Variants in WDR64 observed in about 807,000 individuals in gnomAD.
The protein encoded by WDR64 is WD repeat-containing protein 64.
A neutral mutation model predicts 139.3 loss-of-function variants in WDR64; 112 were observed. That is an observed-to-expected ratio of 0.80 (90% CI 0.69 to 0.94). The LOEUF (loss-of-function observed/expected upper bound fraction) is 0.94. WDR64 is among the 40% of genes least tolerant of loss of function. The pLI is 0.00. For missense variants in WDR64, 1,206 were observed against 1,293.1 expected, an observed-to-expected ratio of 0.93 and a Z score of 1.03; for synonymous variants, 444 against 437.7, an observed-to-expected ratio of 1.01 and a Z score of -0.18.
chr1:241,719,810 ATTTAT>A (rs1668539208), intron 9 of WDR64, among the ~76,000 whole-genome samples: 1 of 151,970 alleles, frequency 6.6e-6, no homozygotes, highest in African/African-American at 2.4e-5. Flanking sequence ...TTTCCTTCAA[ATTTAT>A]TTTAAGTTCC....
At chr1:241,704,348 TG>T (rs768937009) in intron 8 of WDR64, among the ~76,000 whole-genome samples, 52 of 152,354 alleles carry the variant, frequency 3.4e-4, no homozygotes, top group Non-Finnish European at 3.5e-4. Flanking sequence ...ATCGAAATGC[TG>T]GTTAATATTA....
Position 241,652,489 on chromosome 1 carries a change from A to C in WDR64, c.5A>C (p.Asp2Ala). 1 of 1,552,210 alleles carries C rather than the reference A, an allele frequency of 6.4e-7. No homozygotes were observed. The highest frequency in any genetic ancestry group is 2.4e-5 in the East Asian group (1 of 40,914). Residue 2 changes from aspartate to alanine, a missense_variant, in exon 1 of 28, where the codon GAT (aspartate) becomes GCT (alanine). By Grantham distance (126) the Asp-to-Ala change is moderately radical (BLOSUM62 -2). Transcript: ENST00000437684. ...TAAAAGATCCCCTATGTCCCTATGG[A>C]TATCAGGAAGGAAAAGCGTCTCAAC... The part of the protein sequence containing the change: M[D>A]IRKEKRLNMA...
chr1:241,771,638 T>A lies in WDR64; in HGVS notation c.2254-23T>A, dbSNP rs182920260. The A allele has an allele frequency of 1.1e-4, 166 of 1,472,388 alleles. No individual in the cohort carries two copies. The East Asian group carries it at 3.8e-3, about 33-fold the overall frequency. 91.2% of individuals were successfully genotyped at this position (1,472,388 alleles called of 1,614,324 possible). A position where few individuals can be genotyped will look rare whatever the true frequency, so the allele number is the denominator to read the frequency against. On this transcript the variant is annotated intron_variant, in intron 18 of 27. Coordinates refer to ENST00000437684, the MANE Select transcript of WDR64 (RefSeq NM_001367482.1). The stretch of plus-strand genomic sequence containing the variant: ...TTCTTACAATGTCATGGAAGTCTTT[T>A]CTCTTTTCCTCCCATAATTCAGGGA...
chr1:241,675,123 C>CCTTCCTTCCTCCCCCCCTT (rs1427164669), intron 4 of WDR64, among the ~76,000 whole-genome samples: 1 of 17,298 alleles, frequency 5.8e-5, no homozygotes. Context: ...CTCCCTCCCT[C>CCTTCCTTCCTCCCCCCCTT]CTTCCCTCCT....
chr1:241,669,950 G>A (rs1461658831), intron 2 of WDR64, among the ~76,000 whole-genome samples: 1 of 152,118 alleles, frequency 6.6e-6, no homozygotes, highest in Non-Finnish European at 1.5e-5. Context: ...CAAGATATCC[G>A]GGTGGCTAGT....
intron 15 of WDR64, 82 bp from the exon 16 acceptor site, chr1:241,766,136 C>T: frequency 7.4e-7 from 1 of 1,346,648 alleles, no homozygotes; most frequent in South Asian, 1.8e-5. Flanking sequence ...AAGTTGATGA[C>T]AATTACAAAG....
At position 241,749,718 on chromosome 1, in the gene WDR64, T is replaced by A. The variant is rs779403355; in HGVS notation, c.1766T>A (p.Ile589Asn). The change falls in exon 14 of 28, where the codon ATC becomes AAC. Residue 589 changes from isoleucine to asparagine, a missense_variant. By Grantham distance (149) the Ile-to-Asn change is moderately radical. Coordinates refer to ENST00000437684, the MANE Select transcript of WDR64 (RefSeq NM_001367482.1). Reference protein sequence around the residue: ...ALERNGTIKMIQGKEDDIYLM... With the variant: ...ALERNGTIKMNQGKEDDIYLM... ...GAGCGCAACGGGACTATCAAAATGATCCAGGTTTACAATCCCACTTCATAC... is the reference window on the plus strand; with the variant it reads ...GAGCGCAACGGGACTATCAAAATGAACCAGGTTTACAATCCCACTTCATAC... 1 of 1,613,382 alleles carries A rather than the reference T, an allele frequency of 6.2e-7. No individual in the cohort carries two copies. The highest frequency in any genetic ancestry group is 8.5e-7 in the Non-Finnish European group (1 of 1,179,752).
At chr1:241,676,998 G>C (rs1666582997) in intron 4 of WDR64, among the ~76,000 whole-genome samples, 1 of 151,804 alleles carries the variant, frequency 6.6e-6, no homozygotes, top group African/African-American at 2.4e-5. Context: ...TAGGTCACAG[G>C]AGTAATTTAT....
intron 15 of WDR64, among the ~76,000 whole-genome samples, chr1:241,762,774 C>CA (rs71691250): frequency 0.043 from 5,782 of 133,096 alleles, 241 homozygotes; most frequent in African/African-American, 0.11. Context: ...AGCTTCCTTG[C>CA]AAAAAAAAAA....
At chr1:241,737,743 A>G (rs1024821178) in intron 10 of WDR64, among the ~76,000 whole-genome samples, 5 of 152,286 alleles carry the variant, frequency 3.3e-5, no homozygotes, top group Admixed American at 2.0e-4. Flanking sequence ...TGTTCTTTCT[A>G]TTCTCTGATA....
In WDR64 at chr1:241,726,190, A is replaced by G. The variant is rs77247566; in HGVS notation, c.1194+2754A>G. ...AGGCCTGAGCCATGGCACTGGGCCA[A>G]TCGTTTTTATATTGATTATATATTG... On this transcript the variant is annotated intron_variant, in intron 10 of 27. Transcript: ENST00000437684. 9.3e-3 allele frequency among the ~76,000 whole-genome samples: 1,412 copies of G among 152,188 alleles called. 24 individuals are homozygous for G. Among genetic ancestry groups the G allele is most frequent in the African/African-American group, 0.031 (1,291 of 41,496 alleles).
intron 2 of WDR64, among the ~76,000 whole-genome samples, chr1:241,662,311 G>C (rs868480942): frequency 1.3e-5 from 2 of 152,260 alleles, no homozygotes; most frequent in Middle Eastern, 3.4e-3. Flanking sequence ...TGGCAAAGCT[G>C]GGTTCTCATT....
intron 7 of WDR64, among the ~76,000 whole-genome samples, chr1:241,685,593 A>C (rs1238586072): frequency 6.6e-6 from 1 of 152,228 alleles, no homozygotes; most frequent in Non-Finnish European, 1.5e-5. Context: ...AAGACATTAA[A>C]AAATGGATTA....
chr1:241,782,250 C>T (rs1017330309), intron 22 of WDR64, among the ~76,000 whole-genome samples: 6 of 152,164 alleles, frequency 3.9e-5, no homozygotes, highest in Non-Finnish European at 7.3e-5. Flanking sequence ...ATCGCGCCAC[C>T]GCACTGCAGC....
In WDR64 at chr1:241,770,503, C is replaced by T. The variant is rs1178935147; in HGVS notation, c.2184-118C>T. On this transcript the variant is annotated intron_variant, in intron 17 of 27. Transcript: ENST00000437684. ...GGCATGATTTGTTTCCTGAGTGGCT[C>T]AGTATCCACAGATGATGAAAGAAGC... 1.2e-5 allele frequency: 10 copies of T among 815,880 alleles called. No individual in the cohort carries two copies. In the African/African-American group the frequency reaches 1.4e-4, roughly 11 times the overall value. The allele number at this position is 815,880 out of a possible 1,614,324, so 50.5% of individuals were successfully genotyped here. A position where few individuals can be genotyped will look rare whatever the true frequency, so the allele number is the denominator to read the frequency against.
At chr1:241,696,920 A>G (rs2148136643) in intron 8 of WDR64, among the ~76,000 whole-genome samples, 1 of 152,240 alleles carries the variant, frequency 6.6e-6, no homozygotes, top group Non-Finnish European at 1.5e-5. Context: ...CCCAGCCCCT[A>G]TTCAAGATGG....
chr1:241,723,581 T>C, intron 10 of WDR64, 145 bp downstream of exon 10: 1 of 924,848 alleles, frequency 1.1e-6, no homozygotes. Context: ...GAAAAGGAAA[T>C]GATAAGCCAA....
intron 17 of WDR64, 31 bp downstream of exon 17, chr1:241,769,536 T>C (rs1459378098): frequency 7.9e-6 from 12 of 1,525,224 alleles, no homozygotes; most frequent in Non-Finnish European, 5.3e-6. Flanking sequence ...CCAGTAATAC[T>C]GTCTGGGACT....
At chr1:241,761,984 A>C (rs1326818037) in intron 15 of WDR64, among the ~76,000 whole-genome samples, 1 of 152,166 alleles carries the variant, frequency 6.6e-6, no homozygotes, top group African/African-American at 2.4e-5. Context: ...CTTCTTCCAA[A>C]TTCCTGTCCA....
Sources: allele counts gnomAD v4.1 joint callset (sites outside exome capture counted in the v4.1 genomes callset), GRCh38; gene constraint gnomAD v4.1.1; transcripts MANE v1.5; gene names NCBI Gene and HGNC (gene_info 2026-07-23, HGNC 2026-07-21).